ZDHHC14: variants seen among roughly 807,000 people sequenced by gnomAD.
ZDHHC14 encodes the protein zDHHC palmitoyltransferase 14, also known as palmitoyltransferase ZDHHC14.
A neutral mutation model predicts 47.7 loss-of-function variants in ZDHHC14; 16 were observed. The ratio of observed to expected loss-of-function variants is 0.34; its 90% CI spans 0.23 to 0.51. ZDHHC14 has a LOEUF of 0.51. Ranked by LOEUF, ZDHHC14 falls within the 20% of genes least tolerant of loss-of-function variation. ZDHHC14 has a pLI of 0.97. For missense variants in ZDHHC14, 515 were observed against 662.5 expected, an observed-to-expected ratio of 0.78 and a Z score of 2.44; for synonymous variants, 293 against 278.9, an observed-to-expected ratio of 1.05 and a Z score of -0.50.
intron 8 of ZDHHC14, among the ~76,000 whole-genome samples, chr6:157,654,285 A>T (rs915675032): frequency 3.3e-5 from 5 of 152,118 alleles, no homozygotes; most frequent in African/African-American, 1.2e-4. Context: ...GGAGTCGCTC[A>T]TGGACACCAG....
At position 157,511,547 on chromosome 6, in the gene ZDHHC14, C is replaced by CTTTTTTTTTTTTTTTTTTTT. The variant is rs34988240; in HGVS notation, c.246-31020_246-31019insTTTTTTTTTTTTTTTTTTTT. 1.2e-3 allele frequency among the ~76,000 whole-genome samples: 142 copies of CTTTTTTTTTTTTTTTTTTTT among 114,850 alleles called. 2 individuals are homozygous for CTTTTTTTTTTTTTTTTTTTT. Among genetic ancestry groups the CTTTTTTTTTTTTTTTTTTTT allele is most frequent in the Middle Eastern group, 8.2e-3 (2 of 244 alleles). 75.3% of individuals were successfully genotyped at this position (114,850 alleles called of 152,430 possible). On this transcript the variant is annotated intron_variant, in intron 1 of 8. Coordinates refer to ENST00000359775, the MANE Select transcript of ZDHHC14 (RefSeq NM_024630.3). ...AGGCATGCGCCACGAAGCCCGGGTA[C>CTTTTTTTTTTTTTTTTTTTT]TTTTTTTTTTTTTTTTTTGTATTTT...
rs140285598 is a variant in ZDHHC14 at position 157,574,602 on chromosome 6, C to T, written c.407-18386C>T. ...CCACAGAAACTCCCCTGGACTGCCC[C>T]GGGTTCCCTGCCTGAGCCAGAATCC... On this transcript the variant is annotated intron_variant, in intron 2 of 8. Transcript: ENST00000359775. Among the ~76,000 whole-genome samples, 545 of 152,312 alleles carry T rather than the reference C, an allele frequency of 3.6e-3. 3 individuals are homozygous for T. The highest frequency in any genetic ancestry group is 0.012 in the African/African-American group (514 of 41,564).
chr6:157,588,167 G>A (rs186015129), intron 2 of ZDHHC14, among the ~76,000 whole-genome samples: 99 of 152,286 alleles, frequency 6.5e-4, no homozygotes, highest in Middle Eastern at 3.4e-3. Flanking sequence ...AGCTGAGGCA[G>A]GAGAATGGCT....
chr6:157,445,105 TACACAC>T lies in ZDHHC14; in HGVS notation c.245+62874_245+62879del, dbSNP rs533031947. Among the ~76,000 whole-genome samples the T allele has an allele frequency of 4.7e-3, 621 of 131,760 alleles. 4 individuals are homozygous for T. Among genetic ancestry groups the T allele is most frequent in the African/African-American group, 0.011 (401 of 36,274 alleles). 86.4% of individuals were successfully genotyped at this position (131,760 alleles called of 152,430 possible). Reference sequence around the variant, plus strand: ...CATGGGTCTTAGCACTGCCAGATATTACACACACACACACACACACACACACACACA... The same window carrying T: ...CATGGGTCTTAGCACTGCCAGATATTACACACACACACACACACACACACA... On this transcript the variant is annotated intron_variant, in intron 1 of 8. Transcript: ENST00000359775.
At chr6:157,462,891 G>A (rs1583667883) in intron 1 of ZDHHC14, among the ~76,000 whole-genome samples, 1 of 152,210 alleles carries the variant, frequency 6.6e-6, no homozygotes, top group African/African-American at 2.4e-5. Context: ...ATGTTGTGTC[G>A]AACAGTACAG....
intron 1 of ZDHHC14, among the ~76,000 whole-genome samples, chr6:157,518,847 T>A (rs1780802961): frequency 6.6e-6 from 1 of 152,184 alleles, no homozygotes; most frequent in African/African-American, 2.4e-5. Flanking sequence ...CGCATTCTTG[T>A]GAGGGGTGTA....
In ZDHHC14 at chr6:157,382,180, G is replaced by C. The variant is rs1398064009; in HGVS notation, c.159G>C (p.Gly53=). The part of the protein sequence containing the change: ...FPGRNKFFCN[G]RIMMARQTGV... Reference sequence around the variant, plus strand: ...GAAGAAACAAGTTCTTCTGTAACGGGAGGATCATGATGGCCCGGCAGACGG... The same window carrying C: ...GAAGAAACAAGTTCTTCTGTAACGGCAGGATCATGATGGCCCGGCAGACGG... The change falls in exon 1 of 9, where the codon GGG becomes GGC. Residue 53 remains glycine, a synonymous_variant. Coordinates refer to ENST00000359775, the MANE Select transcript of ZDHHC14 (RefSeq NM_024630.3). 1.5e-5 allele frequency: 25 copies of C among 1,613,796 alleles called. No individual in the cohort carries two copies. The highest frequency in any genetic ancestry group is 1.2e-4 in the Admixed American group (7 of 59,988).
chr6:157,397,872 G>C (rs1299397235), intron 1 of ZDHHC14, among the ~76,000 whole-genome samples: 1 of 152,136 alleles, frequency 6.6e-6, no homozygotes, highest in African/African-American at 2.4e-5. Flanking sequence ...TGTCCATCAC[G>C]GTTAATGACA....
chr6:157,433,750 G>A (rs1209152323), intron 1 of ZDHHC14, among the ~76,000 whole-genome samples: 1 of 152,222 alleles, frequency 6.6e-6, no homozygotes, highest in Non-Finnish European at 1.5e-5. Context: ...AAGCACAGCT[G>A]GTGGCCTTTA....
intron 1 of ZDHHC14, among the ~76,000 whole-genome samples, chr6:157,462,847 A>C (rs938995654): frequency 2.0e-5 from 3 of 152,246 alleles, no homozygotes; most frequent in African/African-American, 7.2e-5. Flanking sequence ...CTGTCTCTGC[A>C]GACTCAGCTG....
At chr6:157,669,696 G>T (rs1189023381) in intron 8 of ZDHHC14, among the ~76,000 whole-genome samples, 3 of 152,246 alleles carry the variant, frequency 2.0e-5, no homozygotes, top group African/African-American at 7.2e-5. Flanking sequence ...AGGGGGTATT[G>T]TGTGGACAGA....
intron 1 of ZDHHC14, among the ~76,000 whole-genome samples, chr6:157,536,268 C>G (rs903762192): frequency 1.4e-4 from 21 of 152,162 alleles, no homozygotes; most frequent in African/African-American, 5.1e-4. Flanking sequence ...GTCTAAAAAA[C>G]AGTTATTCTC....
intron 2 of ZDHHC14, among the ~76,000 whole-genome samples, chr6:157,561,314 C>T (rs1224408070): frequency 1.3e-5 from 2 of 152,210 alleles, no homozygotes; most frequent in African/African-American, 4.8e-5. Context: ...GCAGCTGGCA[C>T]GTGCCAGGAC....
rs968640326 is a variant in ZDHHC14, at chr6:157,636,360, T to TGC, written c.752+3479_752+3480dup. 9.2e-5 allele frequency among the ~76,000 whole-genome samples: 14 copies of TGC among 151,708 alleles called. 1 individual carries two copies. The South Asian group carries it at 1.5e-3, about 16-fold the overall frequency. ...AAGTGTGTGTGTGTGTGTGTGTGTGTGCATGCATCTATATCTGTATGTCTA... is the reference window on the plus strand; with the variant it reads ...AAGTGTGTGTGTGTGTGTGTGTGTGTGCGCATGCATCTATATCTGTATGTCTA... On this transcript the variant is annotated intron_variant, in intron 5 of 8. Coordinates refer to ENST00000359775, the MANE Select transcript of ZDHHC14 (RefSeq NM_024630.3).
At chr6:157,500,672 G>A (rs1780173076) in intron 1 of ZDHHC14, among the ~76,000 whole-genome samples, 1 of 152,308 alleles carries the variant, frequency 6.6e-6, no homozygotes, top group African/African-American at 2.4e-5. Flanking sequence ...AGATGCTGTG[G>A]ACCACAACCA....
intron 1 of ZDHHC14, among the ~76,000 whole-genome samples, chr6:157,429,341 G>A (rs1778289680): frequency 1.3e-5 from 2 of 152,166 alleles, no homozygotes; most frequent in Non-Finnish European, 2.9e-5. Flanking sequence ...GTATTGTTTT[G>A]TGAAACTTTT....
intron 1 of ZDHHC14, among the ~76,000 whole-genome samples, chr6:157,473,818 G>C (rs1382048371): frequency 6.6e-6 from 1 of 151,990 alleles, no homozygotes; most frequent in African/African-American, 2.4e-5. Flanking sequence ...ACATGTGTAA[G>C]GTGTGTATGA....
intron 1 of ZDHHC14, among the ~76,000 whole-genome samples, chr6:157,385,635 C>CG (rs1777294878): frequency 6.6e-6 from 1 of 152,224 alleles, no homozygotes; most frequent in Non-Finnish European, 1.5e-5. Flanking sequence ...TTGATACAGT[C>CG]TTTAGCCCCT....
At chr6:157,564,452 T>A (rs780949734) in intron 2 of ZDHHC14, among the ~76,000 whole-genome samples, 18 of 152,240 alleles carry the variant, frequency 1.2e-4, no homozygotes, top group Non-Finnish European at 2.2e-4. Context: ...ATACATTTTT[T>A]AAAATATGTA....
Sources: allele counts gnomAD v4.1 joint callset (sites outside exome capture counted in the v4.1 genomes callset), GRCh38; gene constraint gnomAD v4.1.1; transcripts MANE v1.5; gene names NCBI Gene and HGNC (gene_info 2026-07-23, HGNC 2026-07-21).